Variants in CDH15 observed in about 807,000 individuals in gnomAD.
The protein encoded by CDH15 is cadherin 15.
A neutral mutation model predicts 69.4 loss-of-function variants in CDH15; 73 were observed. That is an observed-to-expected ratio of 1.05 (90% CI 0.87 to 1.28). CDH15 has a LOEUF of 1.28. Ranked by LOEUF, CDH15 falls within the 50% of genes most tolerant of loss-of-function variation. The pLI is 0.00. For synonymous variants in CDH15, 624 were observed against 507.7 expected (o/e 1.23, Z -3.08); for missense variants, 1,343 against 1,133.6 (o/e 1.18, Z -2.65).
chr16:89,187,280 G>A, intron 5 of CDH15, 149 bp from the exon 6 acceptor site: 2 of 839,908 alleles, frequency 2.4e-6, no homozygotes, highest in Non-Finnish European at 3.9e-6. Flanking sequence ...GATCAGGGCA[G>A]GATTCTCAGG....
chr16:89,180,771 T>C (rs554797090), intron 3 of CDH15, among the ~76,000 whole-genome samples: 1 of 152,280 alleles, frequency 6.6e-6, no homozygotes, highest in South Asian at 2.1e-4. Context: ...TCGCCCAGGC[T>C]GGAGTGCAGT....
chr16:89,184,425 T>C (rs1915437949), intron 4 of CDH15, among the ~76,000 whole-genome samples: 1 of 152,066 alleles, frequency 6.6e-6, no homozygotes, highest in Non-Finnish European at 1.5e-5. Flanking sequence ...GGCCTAAATC[T>C]CAGGAGAGGG....
intron 3 of CDH15, chr16:89,183,317 G>C: frequency 1.8e-6 from 1 of 549,934 alleles, no homozygotes; most frequent in Non-Finnish European, 3.3e-6. Flanking sequence ...GGCTGCCAAG[G>C]CAAGCAGGGA....
chr16:89,187,491 C>T lies in CDH15; in HGVS notation c.726C>T (p.Ala242=). 6.2e-7 allele frequency: 1 copy of T among 1,613,702 alleles called. No homozygotes were observed. The highest frequency in any genetic ancestry group is 8.5e-7 in the Non-Finnish European group (1 of 1,180,016). The change falls in exon 6 of 14, where the codon GCC becomes GCT. Residue 242 remains alanine (A), a synonymous_variant. Transcript: ENST00000289746. The stretch of plus-strand genomic sequence containing the variant: ...ACATGTCTGGAGACGGCCTCACAGC[C>T]ACTGCCTCAGCCATCATCACCCTTG... ...VADMSGDGLT[A]TASAIITLDD...
At chr16:89,193,729 G>A (rs777755248) in intron 12 of CDH15, 26 bp from the exon 13 acceptor site, 7 of 1,598,018 alleles carry the variant, frequency 4.4e-6, no homozygotes, top group African/African-American at 1.3e-5. Context: ...GGGATGCCTG[G>A]CTCTGTTCCA....
chr16:89,183,288 G>A (rs1035746092), intron 3 of CDH15: 45 of 504,458 alleles, frequency 8.9e-5, no homozygotes, highest in East Asian at 1.3e-4. Flanking sequence ...TTAGTCACAC[G>A]TGAAGCTGTG....
At chr16:89,179,681 G>T in intron 2 of CDH15, 107 bp downstream of exon 2, 1 of 1,178,980 alleles carries the variant, frequency 8.5e-7, no homozygotes. Flanking sequence ...CCCATTTCAG[G>T]ACAGAGCTGA....
At chr16:89,185,529 G>C in intron 5 of CDH15, 196 bp downstream of exon 5, 1 of 695,028 alleles carries the variant, frequency 1.4e-6, no homozygotes, top group Non-Finnish European at 2.5e-6. Flanking sequence ...CGCTGGCCCG[G>C]GTGGGAGGGG....
At chr16:89,173,982 C>A (rs1363692098) in intron 1 of CDH15, among the ~76,000 whole-genome samples, 2 of 152,186 alleles carry the variant, frequency 1.3e-5, no homozygotes, top group African/African-American at 4.8e-5. Context: ...GCCCCTTGGT[C>A]TCTGGGAGAC....
chr16:89,175,876 G>C (rs1915246019), intron 1 of CDH15, among the ~76,000 whole-genome samples: 1 of 152,254 alleles, frequency 6.6e-6, no homozygotes, highest in South Asian at 2.1e-4. Context: ...CATGGAGGAG[G>C]GGACTCAGGT....
chr16:89,172,500 GGGA>G (rs1031390938), intron 1 of CDH15, among the ~76,000 whole-genome samples: 4 of 152,128 alleles, frequency 2.6e-5, no homozygotes, highest in African/African-American at 7.2e-5. Flanking sequence ...GGCTTCACCT[GGGA>G]CCCTGCCGCA....
chr16:89,179,427 G>T lies in CDH15; in HGVS notation c.54G>T (p.Leu18=). The T allele has an allele frequency of 5.0e-6, 8 of 1,613,662 alleles. No homozygotes were observed. The South Asian group carries it at 7.7e-5, about 16-fold the overall frequency. The change falls in exon 2 of 14, where the codon CTG becomes CTT. Residue 18 remains leucine, a synonymous_variant. Transcript: ENST00000289746. ...TGTCTTTGTTGCAGAGCCTCTGCCT[G>T]TCTTTGGGGGTTCCTGGATGGAGGA... The part of the protein sequence containing the change: ...VLGLLAQSLC[L]SLGVPGWRRP...
chr16:89,187,169 A>G (rs564574197), intron 5 of CDH15, among the ~76,000 whole-genome samples: 2 of 152,352 alleles, frequency 1.3e-5, no homozygotes, highest in Non-Finnish European at 2.9e-5. Context: ...CCCAGCGCAC[A>G]GTAGGTGCTC....
chr16:89,175,870 G>A (rs1315313084), intron 1 of CDH15, among the ~76,000 whole-genome samples: 1 of 152,238 alleles, frequency 6.6e-6, no homozygotes, highest in African/African-American at 2.4e-5. Context: ...GGAGGCCATG[G>A]AGGAGGGGAC....
At chr16:89,179,697 G>A in intron 2 of CDH15, 123 bp downstream of exon 2, 2 of 1,003,904 alleles carry the variant, frequency 2.0e-6, no homozygotes, top group South Asian at 1.7e-5. Context: ...GCTGAGGCAG[G>A]ACTCGCCCAC....
intron 5 of CDH15, chr16:89,185,645 C>T (rs1392145350): frequency 2.2e-6 from 1 of 457,610 alleles, no homozygotes; most frequent in African/African-American, 2.0e-5. Flanking sequence ...AAGTAACTAA[C>T]TCCTTCTGTC....
intron 1 of CDH15, among the ~76,000 whole-genome samples, chr16:89,176,149 TCTC>T (rs1915250950): frequency 6.6e-6 from 1 of 152,150 alleles, no homozygotes. Context: ...CATGCCAACA[TCTC>T]CTTCCCGGCC....
In CDH15 at chr16:89,191,822, GC is replaced by G; in HGVS notation, c.1548del (p.Phe517SerfsTer5). The G allele has an allele frequency of 1.9e-6, 3 of 1,604,122 alleles. No individual in the cohort carries two copies. Among genetic ancestry groups the G allele is most frequent in the Non-Finnish European group, 2.5e-6 (3 of 1,179,068 alleles). On this transcript the variant is annotated frameshift_variant, in exon 10 of 14. Coordinates refer to ENST00000289746, the MANE Select transcript of CDH15 (RefSeq NM_004933.3). LOFTEE classifies it high-confidence loss of function. ...ATDEDLPPHG[A>X]PFHFQLSPRL... ...GGATGAGGACCTGCCCCCCCACGGG[GC>G]CCCCTTCCACTTCCAGCTGAGCCCC...
At chr16:89,177,529 CT>C in intron 1 of CDH15, among the ~76,000 whole-genome samples, 1 of 152,176 alleles carries the variant, frequency 6.6e-6, no homozygotes, top group East Asian at 1.9e-4. Context: ...ACCCCCAGGA[CT>C]AGGGAGGCAC....
Sources: allele counts gnomAD v4.1 joint callset (sites outside exome capture counted in the v4.1 genomes callset), GRCh38; gene constraint gnomAD v4.1.1; transcripts MANE v1.5; gene names NCBI Gene and HGNC (gene_info 2026-07-23, HGNC 2026-07-21).